Variants in LAMA2 observed in about 807,000 individuals in gnomAD.
LAMA2 encodes laminin subunit alpha 2, also known as laminin subunit alpha-2.
In LAMA2, 269 loss-of-function variants were observed where a neutral mutation model predicts 364.8. The ratio of observed to expected loss-of-function variants is 0.74; its 90% CI spans 0.67 to 0.82. The LOEUF (loss-of-function observed/expected upper bound fraction) is 0.82, where lower values mean the gene tolerates loss of function less well. Ranked by LOEUF, LAMA2 falls within the 40% of genes least tolerant of loss-of-function variation. The pLI is 0.00. For missense variants in LAMA2, 3,807 were observed against 3,873.2 expected (o/e 0.98, Z 0.45); for synonymous variants, 1,379 against 1,370.6 (o/e 1.01, Z -0.14).
At chr6:129,128,446 G>A (rs1293797544) in intron 4 of LAMA2, among the ~76,000 whole-genome samples, 1 of 152,030 alleles carries the variant, frequency 6.6e-6, no homozygotes, top group East Asian at 1.9e-4. Flanking sequence ...CTTTATTTTT[G>A]TTTTGTTTGC....
chr6:129,141,669 T>C (rs912726379), intron 4 of LAMA2, among the ~76,000 whole-genome samples: 1 of 152,074 alleles, frequency 6.6e-6, no homozygotes, highest in Admixed American at 6.6e-5. Flanking sequence ...GAAATATGTA[T>C]CATTGCCTCT....
chr6:128,916,219 A>C (rs1034970849), intron 1 of LAMA2, among the ~76,000 whole-genome samples: 2 of 151,348 alleles, frequency 1.3e-5, no homozygotes, highest in African/African-American at 4.8e-5. Flanking sequence ...CAACAAAAAA[A>C]ACAAAAACAA....
intron 51 of LAMA2, among the ~76,000 whole-genome samples, chr6:129,472,320 T>C (rs1412525837): frequency 6.6e-6 from 1 of 151,914 alleles, no homozygotes; most frequent in Non-Finnish European, 1.5e-5. Flanking sequence ...AGAGGCCAAA[T>C]CTATCATCTT....
chr6:129,186,090 T>C lies in LAMA2; in HGVS notation c.1468-4115T>C, dbSNP rs548602839. On this transcript the variant is annotated intron_variant, in intron 10 of 64. Coordinates refer to ENST00000421865, the MANE Select transcript of LAMA2 (RefSeq NM_000426.4). ...TATTGGATCAATAGGAGCTTCCCAG[T>C]AGGAATGCTGAGAGGTTTAATAGAT... Among the ~76,000 whole-genome samples the C allele has an allele frequency of 3.3e-5, 5 of 151,864 alleles. No individual in the cohort carries two copies. In the South Asian group the frequency reaches 1.0e-3, roughly 32 times the overall value.
rs139330844 is a variant in LAMA2 at position 129,231,185 on chromosome 6, A to C, written c.1783-18927A>C. ...ATATAACATTAAATTACTTATGCAA[A>C]TGCAAAAATTAATCTGAACATCTAT... On this transcript the variant is annotated intron_variant, in intron 12 of 64. Coordinates refer to ENST00000421865, the MANE Select transcript of LAMA2 (RefSeq NM_000426.4). Among the ~76,000 whole-genome samples, 977 of 152,252 alleles carry C rather than the reference A, an allele frequency of 6.4e-3. 11 individuals are homozygous for C. Among genetic ancestry groups the C allele is most frequent in the African/African-American group, 0.022 (908 of 41,582 alleles).
intron 2 of LAMA2, among the ~76,000 whole-genome samples, chr6:129,054,165 A>G (rs546137960): frequency 6.6e-6 from 1 of 152,218 alleles, no homozygotes; most frequent in Non-Finnish European, 1.5e-5. Context: ...TGCTGAGGAA[A>G]GAAGCAAACA....
In LAMA2 at chr6:129,512,469, G is replaced by C. The variant is rs1224794568; in HGVS notation, c.8964G>C (p.Met2988Ile). 1 of 1,613,546 alleles carries C rather than the reference G, an allele frequency of 6.2e-7. No individual in the cohort carries two copies. The highest frequency in any genetic ancestry group is 1.3e-5 in the African/African-American group (1 of 75,012). Residue 2988 changes from methionine to isoleucine, a missense_variant, in exon 63 of 65, where the codon ATG becomes ATC. Physicochemically the swap from Met to Ile is conservative, Grantham distance 10. Coordinates refer to ENST00000421865, the MANE Select transcript of LAMA2 (RefSeq NM_000426.4). ...LGISSQKMDG[M>I]GIEMIDEKLM... Reference sequence around the variant, plus strand: ...TCAGTAGTCAAAAAATGGATGGAATGGGTATTGAAATGATTGATGAAAAGG... The same window carrying C: ...TCAGTAGTCAAAAAATGGATGGAATCGGTATTGAAATGATTGATGAAAAGG...
At chr6:129,283,755 A>G (rs192304751) in intron 18 of LAMA2, among the ~76,000 whole-genome samples, 1 of 151,818 alleles carries the variant, frequency 6.6e-6, no homozygotes, top group East Asian at 1.9e-4. Context: ...GAATGTCTGA[A>G]TTCGAATCAA....
intron 1 of LAMA2, among the ~76,000 whole-genome samples, chr6:128,950,714 A>G (rs1473726088): frequency 6.6e-6 from 1 of 152,062 alleles, no homozygotes; most frequent in Non-Finnish European, 1.5e-5. Flanking sequence ...AATAATAAGT[A>G]TTGTGAGGAT....
intron 3 of LAMA2, among the ~76,000 whole-genome samples, chr6:129,060,782 A>G (rs1490292733): frequency 6.6e-6 from 1 of 152,132 alleles, no homozygotes; most frequent in Non-Finnish European, 1.5e-5. Context: ...TCCCTCCTCC[A>G]GTGTCTAGGT....
At chr6:128,960,368 C>T (rs1415748023) in intron 1 of LAMA2, among the ~76,000 whole-genome samples, 10 of 140,170 alleles carry the variant, frequency 7.1e-5, no homozygotes, top group Admixed American at 5.9e-4. Context: ...GACAAAGTCT[C>T]GCTCTTGTCC....
At chr6:129,349,675 A>G (rs1304488138) in intron 31 of LAMA2, among the ~76,000 whole-genome samples, 3 of 151,388 alleles carry the variant, frequency 2.0e-5, no homozygotes, top group African/African-American at 4.8e-5. Context: ...ATAACATTTC[A>G]TAAGAATAAA....
rs59543848 is a variant in LAMA2 at position 129,066,038 on chromosome 6, G to GTATGTCTTTTTTTTTTTTTTTTTTTTTTT, written c.396+6143_396+6144insATGTCTTTTTTTTTTTTTTTTTTTTTTTT. Among the ~76,000 whole-genome samples, 20 of 37,116 alleles carry GTATGTCTTTTTTTTTTTTTTTTTTTTTTT rather than the reference G, an allele frequency of 5.4e-4. 6 individuals carry two copies. Among genetic ancestry groups the GTATGTCTTTTTTTTTTTTTTTTTTTTTTT allele is most frequent in the South Asian group, 1.4e-3 (1 of 692 alleles). The allele number at this position is 37,116 out of a possible 152,430, so 24.3% of individuals were successfully genotyped here. A position where few individuals can be genotyped will look rare whatever the true frequency, so the allele number is the denominator to read the frequency against. On this transcript the variant is annotated intron_variant, in intron 3 of 64. Coordinates refer to ENST00000421865, the MANE Select transcript of LAMA2 (RefSeq NM_000426.4). ...TCTTTTGTAAATTGCCCAGTCTCAG[G>GTATGTCTTTTTTTTTTTTTTTTTTTTTTT]TTTTTTTTTTTTTTTTTTTTTTTTT...
Position 129,314,398 on chromosome 6 carries a change from C to CAAAAAAAAAAAAAAA in LAMA2, c.3412-250_3412-236dup, listed in dbSNP as rs3062342. Among the ~76,000 whole-genome samples the CAAAAAAAAAAAAAAA allele has an allele frequency of 7.5e-4, 61 of 81,860 alleles. 3 individuals carry two copies. The highest frequency in any genetic ancestry group is 3.2e-3 in the African/African-American group (59 of 18,190). The allele number at this position is 81,860 out of a possible 152,430, so 53.7% of individuals were successfully genotyped here. On this transcript the variant is annotated intron_variant, in intron 23 of 64. Transcript: ENST00000421865. ...TGGGCGAAAGAGCGAGACTCCGTCT[C>CAAAAAAAAAAAAAAA]AAAAAAAAAAAAAAAAAAAAAGTAC... is the stretch of plus-strand genomic sequence containing the variant.
chr6:129,072,985 A>G (rs368424266), intron 3 of LAMA2, among the ~76,000 whole-genome samples: 3 of 152,102 alleles, frequency 2.0e-5, no homozygotes, highest in Non-Finnish European at 4.4e-5. Flanking sequence ...TATTTCTGTT[A>G]GTAAACTTCC....
chr6:129,061,770 A>G (rs1788937170), intron 3 of LAMA2, among the ~76,000 whole-genome samples: 1 of 152,214 alleles, frequency 6.6e-6, no homozygotes, highest in Non-Finnish European at 1.5e-5. Context: ...AATTCTGTAT[A>G]TAACCCAGGT....
intron 18 of LAMA2, among the ~76,000 whole-genome samples, chr6:129,285,202 T>C (rs927594114): frequency 2.0e-5 from 3 of 152,158 alleles, no homozygotes; most frequent in African/African-American, 7.2e-5. Flanking sequence ...ACTTTTTAAT[T>C]CCTAACGGAA....
chr6:129,008,102 A>G (rs1294084069), intron 1 of LAMA2, among the ~76,000 whole-genome samples: 1 of 152,214 alleles, frequency 6.6e-6, no homozygotes, highest in Non-Finnish European at 1.5e-5. Flanking sequence ...TATTGAAATC[A>G]TGGAGGACAA....
At chr6:129,375,795 T>TTG (rs1778339692) in intron 34 of LAMA2, among the ~76,000 whole-genome samples, 1 of 152,230 alleles carries the variant, frequency 6.6e-6, no homozygotes, top group African/African-American at 2.4e-5. Flanking sequence ...TTTGGTCCTA[T>TTG]GTGCCTTACT....
Sources: allele counts gnomAD v4.1 joint callset (sites outside exome capture counted in the v4.1 genomes callset), GRCh38; gene constraint gnomAD v4.1.1; transcripts MANE v1.5; gene names NCBI Gene and HGNC (gene_info 2026-07-23, HGNC 2026-07-21).